The following RYR3 variants were observed in gnomAD, a reference collection of about 807,000 sequenced individuals.
RYR3 encodes ryanodine receptor 3, also known as brain ryanodine receptor-calcium release channel.
A neutral mutation model predicts 584.3 loss-of-function variants in RYR3; 207 were observed. The observed-to-expected ratio is 0.35, with a 90% confidence interval of 0.32 to 0.40. The LOEUF (loss-of-function observed/expected upper bound fraction) is 0.40. Ranked by LOEUF, RYR3 falls within the 10% of genes least tolerant of loss-of-function variation. The pLI is 1.00. For missense variants in RYR3, 5,616 were observed against 6,089.2 expected (o/e 0.92, Z 2.59); for synonymous variants, 2,416 against 2,248.5 (o/e 1.07, Z -2.11).
intron 1 of RYR3, among the ~76,000 whole-genome samples, chr15:33,367,542 G>A (rs1348022321): frequency 6.6e-6 from 1 of 152,196 alleles, no homozygotes; most frequent in Admixed American, 6.5e-5. Flanking sequence ...GCCCTGTGGT[G>A]AGAAGAAAGA....
In RYR3 at chr15:33,845,173, A is replaced by C. The variant is rs1476258511; in HGVS notation, c.13497+111A>C. 4 of 1,034,940 alleles carry C rather than the reference A, an allele frequency of 3.9e-6. No homozygotes were observed. In the Admixed American group the frequency reaches 7.9e-5, roughly 21 times the overall value. 64.1% of individuals were successfully genotyped at this position (1,034,940 alleles called of 1,614,324 possible). A position where few individuals can be genotyped will look rare whatever the true frequency, so the allele number is the denominator to read the frequency against. ...CTTTGCTAGCCGTAAAGGCCTTCGT[A>C]AGGTCCGTAGAGCAGCAGCAGCACA... On this transcript the variant is annotated intron_variant, in intron 93 of 103. Coordinates refer to ENST00000634891, the MANE Select transcript of RYR3 (RefSeq NM_001036.6).
chr15:33,548,569 G>A lies in RYR3; in HGVS notation c.815+365G>A, dbSNP rs564195147. Among the ~76,000 whole-genome samples, 27 of 152,332 alleles carry A rather than the reference G, an allele frequency of 1.8e-4. 1 individual carries two copies. Among genetic ancestry groups the A allele is most frequent in the Admixed American group, 1.6e-3 (24 of 15,306 alleles). ...CTCAGTAGCTTTGTTGGCTCCAGTG[G>A]ACAGTTAGCTTTAAATGGCACACAG... On this transcript the variant is annotated intron_variant, in intron 9 of 103. Transcript: ENST00000634891.
rs1474544198 is a variant in RYR3 at position 33,392,466 on chromosome 15, C to T, written c.52-80953C>T. Among the ~76,000 whole-genome samples, 5 of 152,040 alleles carry T rather than the reference C, an allele frequency of 3.3e-5. No homozygotes were observed. The East Asian group carries it at 9.8e-4, about 30-fold the overall frequency. Reference sequence around the variant, plus strand: ...CCTTGGGAGGGTGAGCGGCAGGTCACTCTGTGGGCAGCTGGGACTTGATCC... The same window carrying T: ...CCTTGGGAGGGTGAGCGGCAGGTCATTCTGTGGGCAGCTGGGACTTGATCC... On this transcript the variant is annotated intron_variant, in intron 1 of 103. Transcript: ENST00000634891.
chr15:33,842,412 C>A (rs2078429809), intron 91 of RYR3, among the ~76,000 whole-genome samples: 1 of 152,182 alleles, frequency 6.6e-6, no homozygotes. Flanking sequence ...AAGAATGTTC[C>A]TCTTATGTTA....
At chr15:33,676,160 T>C (rs1335772712) in intron 38 of RYR3, among the ~76,000 whole-genome samples, 2 of 150,600 alleles carry the variant, frequency 1.3e-5, no homozygotes, top group Non-Finnish European at 2.9e-5. Context: ...GAGCCAGAGA[T>C]ATGCAACATG....
chr15:33,410,866 C>T (rs754509114), intron 1 of RYR3, among the ~76,000 whole-genome samples: 1 of 152,192 alleles, frequency 6.6e-6, no homozygotes, highest in Non-Finnish European at 1.5e-5. Context: ...GCCTCACAAT[C>T]ATGGCAGAAG....
At chr15:33,833,102 A>G (rs979482772) in intron 86 of RYR3, among the ~76,000 whole-genome samples, 14 of 152,044 alleles carry the variant, frequency 9.2e-5, no homozygotes, top group African/African-American at 2.9e-4. Flanking sequence ...TGTGTCAGTG[A>G]TTTGGAGAAG....
chr15:33,807,714 C>T, intron 70 of RYR3, 145 bp downstream of exon 70: 2 of 793,966 alleles, frequency 2.5e-6, no homozygotes, highest in South Asian at 1.6e-5. Context: ...CCAGGGAAGA[C>T]AACTGCCTGT....
At chr15:33,786,055 T>A in intron 66 of RYR3, 73 bp downstream of exon 66, 1 of 1,267,400 alleles carries the variant, frequency 7.9e-7, no homozygotes, top group Non-Finnish European at 1.1e-6. Context: ...TCTCTATTAT[T>A]AATTCCAAGA....
At chr15:33,359,648 GCA>G (rs1441227915) in intron 1 of RYR3, among the ~76,000 whole-genome samples, 3 of 149,284 alleles carry the variant, frequency 2.0e-5, no homozygotes, top group African/African-American at 7.4e-5. Flanking sequence ...AGACGGAGTC[GCA>G]CTCTGTCACC....
At chr15:33,314,951 A>C (rs1036969412) in intron 1 of RYR3, among the ~76,000 whole-genome samples, 176 of 150,196 alleles carry the variant, frequency 1.2e-3, no homozygotes, top group African/African-American at 4.0e-3. Flanking sequence ...CCAAAAAAAA[A>C]CAACAACAAC....
At chr15:33,538,798 T>G (rs1482421286) in intron 5 of RYR3, among the ~76,000 whole-genome samples, 1 of 152,194 alleles carries the variant, frequency 6.6e-6, no homozygotes, top group Non-Finnish European at 1.5e-5. Context: ...GGTTTTCACT[T>G]TTTATTGGCT....
In RYR3 at chr15:33,731,644, C is replaced by T. The variant is rs368570632; in HGVS notation, c.7374C>T (p.Leu2458=). 1.1e-5 allele frequency: 17 copies of T among 1,613,634 alleles called. No individual in the cohort carries two copies. The highest frequency in any genetic ancestry group is 4.0e-5 in the African/African-American group (3 of 74,934). ...ACAGGCTATCCAAGGGACGTTCCCTCACCAAAGCACAAAGGGACACTATAG... is the reference window on the plus strand; with the variant it reads ...ACAGGCTATCCAAGGGACGTTCCCTTACCAAAGCACAAAGGGACACTATAG... ...TIYRLSKGRS[L]TKAQRDTIEE... is the part of the protein sequence containing the mutation. Residue 2458 remains leucine, a synonymous_variant, in exon 48 of 104, where the codon CTC becomes CTT. Transcript: ENST00000634891.
chr15:33,514,786 G>C (rs2053355506), intron 3 of RYR3, among the ~76,000 whole-genome samples: 2 of 151,954 alleles, frequency 1.3e-5, no homozygotes, highest in Non-Finnish European at 2.9e-5. Flanking sequence ...CAGATCACGA[G>C]GTCAGGAGAT....
At chr15:33,387,014 C>T (rs944003383) in intron 1 of RYR3, among the ~76,000 whole-genome samples, 25 of 151,988 alleles carry the variant, frequency 1.6e-4, no homozygotes, top group African/African-American at 5.6e-4. Context: ...CCCACCACCA[C>T]GCCCGGCTAA....
chr15:33,381,068 A>G (rs577273180), intron 1 of RYR3, among the ~76,000 whole-genome samples: 1 of 152,276 alleles, frequency 6.6e-6, no homozygotes, highest in African/African-American at 2.4e-5. Context: ...CTATTAGATC[A>G]ATTTTCCTAA....
chr15:33,419,518 T>C (rs977433024), intron 1 of RYR3, among the ~76,000 whole-genome samples: 2 of 152,198 alleles, frequency 1.3e-5, no homozygotes, highest in Non-Finnish European at 2.9e-5. Context: ...CATTTATTTT[T>C]AATCTGTATG....
At chr15:33,731,807 A>G (rs1199808979) in intron 48 of RYR3, 113 bp downstream of exon 48, 3 of 732,226 alleles carry the variant, frequency 4.1e-6, no homozygotes, top group Middle Eastern at 2.9e-4. Context: ...GGCCATTGTC[A>G]TACACCAGCC....
Position 33,628,519 on chromosome 15 carries a change from A to G in RYR3, c.2623A>G (p.Asn875Asp). 6.2e-7 allele frequency: 1 copy of G among 1,613,880 alleles called. No individual in the cohort carries two copies. Among genetic ancestry groups the G allele is most frequent in the Admixed American group, 1.7e-5 (1 of 60,016 alleles). The change falls in exon 21 of 104, where the codon AAC (asparagine) becomes GAC (aspartate). Residue 875 changes from asparagine to aspartate, a missense_variant. Coordinates refer to ENST00000634891, the MANE Select transcript of RYR3 (RefSeq NM_001036.6). ...AAAGATCCGAGACAGACTAGCTGAA[A>G]ACATCCATGAGCTTTGGGGAATGAA... ...LEKIRDRLAE[N>D]IHELWGMNKI... is the part of the protein sequence containing the mutation.
Sources: allele counts gnomAD v4.1 joint callset (sites outside exome capture counted in the v4.1 genomes callset), GRCh38; gene constraint gnomAD v4.1.1; transcripts MANE v1.5; gene names NCBI Gene and HGNC (gene_info 2026-07-23, HGNC 2026-07-21).